The following TMPRSS9 variants were observed in gnomAD, a reference collection of about 807,000 sequenced individuals.
TMPRSS9 encodes the protein transmembrane serine protease 9.
TMPRSS9 carries 113 observed loss-of-function variants against 111.4 expected under a neutral mutation model. The ratio of observed to expected loss-of-function variants is 1.01; its 90% CI spans 0.87 to 1.19. TMPRSS9 has a LOEUF of 1.19. TMPRSS9 is among the 50% of genes most tolerant of loss of function. The pLI is 0.00. For missense variants in TMPRSS9, 1,803 were observed against 1,513.1 expected, an observed-to-expected ratio of 1.19 and a Z score of -3.18; for synonymous variants, 805 against 659.1, an observed-to-expected ratio of 1.22 and a Z score of -3.39.
rs957463296 is a variant in TMPRSS9 at position 2,396,520 on chromosome 19, G to T, written c.143-19G>T. 10 of 1,584,740 alleles carry T rather than the reference G, an allele frequency of 6.3e-6. No homozygotes were observed. The highest frequency in any genetic ancestry group is 5.3e-5 in the Admixed American group (3 of 56,786). On this transcript the variant is annotated intron_variant, in intron 1 of 17. Coordinates refer to ENST00000648592, the Ensembl canonical transcript of TMPRSS9. ...CCCCCAAAGGTGGGCTCTCTCACGG[G>T]CCCTGGTCTCGTCCCCAGCCTTCCT...
chr19:2,418,489 A>C (rs939907168), intron 13 of TMPRSS9, among the ~76,000 whole-genome samples: 41 of 790 alleles, frequency 0.052, 1 homozygote, highest in African/African-American at 0.16. Flanking sequence ...TTCCCTCCCT[A>C]CCTTTCCTTC....
chr19:2,419,160 ACCTTTCCTT>A (rs1354290539), intron 13 of TMPRSS9, among the ~76,000 whole-genome samples: 49 of 64,888 alleles, frequency 7.6e-4, no homozygotes, highest in African/African-American at 2.9e-3. Context: ...TTCCCTCCCT[ACCTTTCCTT>A]CCTTTCCTTT....
At chr19:2,363,454 C>G (rs549995156) in intron 1 of TMPRSS9, among the ~76,000 whole-genome samples, 1 of 148,732 alleles carries the variant, frequency 6.7e-6, no homozygotes, top group African/African-American at 2.5e-5. Context: ...AAGGCAAAGG[C>G]GTCCCTTCTC....
chr19:2,411,588 C>G (rs944844377), intron 9 of TMPRSS9, among the ~76,000 whole-genome samples: 3 of 149,644 alleles, frequency 2.0e-5, no homozygotes, highest in African/African-American at 7.4e-5. Context: ...AATTAAGACA[C>G]TGTCTCGCTC....
exon 1 of TMPRSS9, chr19:2,389,881 C>A (rs201122568): frequency 1.2e-6 from 2 of 1,613,762 alleles, no homozygotes; most frequent in Non-Finnish European, 1.7e-6. Context: ...CCAGCATTGG[C>A]GTGGTGGCCA....
chr19:2,381,331 C>A (rs1970383046), intron 1 of TMPRSS9, among the ~76,000 whole-genome samples: 1 of 151,738 alleles, frequency 6.6e-6, no homozygotes, highest in Non-Finnish European at 1.5e-5. Flanking sequence ...GCAGAGGCAG[C>A]TGGGGTTGAA....
chr19:2,408,557 G>A (rs763755693), exon 8 of TMPRSS9: 11 of 1,613,452 alleles, frequency 6.8e-6, no homozygotes, highest in Middle Eastern at 1.6e-4. Context: ...TGTGCCTCCC[G>A]GCTGCCACAC....
In TMPRSS9 at chr19:2,416,490, C is replaced by A. The variant is rs141606751; in HGVS notation, c.1746-48C>A. The stretch of plus-strand genomic sequence containing the variant: ...TCAGCCCTGTCCCTCCCCAAGAAGG[C>A]GGGCATGTGCTGGAGGGCAGGCATG... On this transcript the variant is annotated intron_variant, in intron 11 of 17. Coordinates refer to ENST00000648592, the Ensembl canonical transcript of TMPRSS9. The A allele has an allele frequency of 8.2e-4, 1,279 of 1,565,502 alleles. 10 individuals are homozygous for A. The African/African-American group carries it at 0.015, about 19-fold the overall frequency.
chr19:2,394,306 G>A (rs922473184), intron 1 of TMPRSS9, among the ~76,000 whole-genome samples: 2 of 152,084 alleles, frequency 1.3e-5, no homozygotes, highest in African/African-American at 4.8e-5. Context: ...AGGATCACCT[G>A]AGCCCATGAG....
At chr19:2,404,800 C>T (rs189264853) in intron 6 of TMPRSS9, among the ~76,000 whole-genome samples, 5 of 150,574 alleles carry the variant, frequency 3.3e-5, no homozygotes, top group East Asian at 2.0e-4. Context: ...GGTGTGGTGG[C>T]GGGTGCCTGT....
intron 1 of TMPRSS9, among the ~76,000 whole-genome samples, chr19:2,379,495 T>C (rs1970364269): frequency 6.6e-6 from 1 of 151,802 alleles, no homozygotes; most frequent in Admixed American, 6.6e-5. Flanking sequence ...AGCCTGAGCT[T>C]CTGAGTGTGG....
chr19:2,400,555 TAAAAATA>T (rs1257987166), intron 4 of TMPRSS9, among the ~76,000 whole-genome samples: 1 of 150,150 alleles, frequency 6.7e-6, no homozygotes, highest in Non-Finnish European at 1.5e-5. Context: ...AAAAAATTAA[TAAAAATA>T]AAAAATAAAA....
rs1599311266 is a variant in TMPRSS9, at chr19:2,417,882, A to G, written c.2018-120A>G. ...TTTGTGAGATTCCTGCAACTCTGTGAGCCCTGGTTTCTTCGTCTGTGGGGT... is the reference window on the plus strand; with the variant it reads ...TTTGTGAGATTCCTGCAACTCTGTGGGCCCTGGTTTCTTCGTCTGTGGGGT... On this transcript the variant is annotated intron_variant, in intron 12 of 17. Transcript: ENST00000648592. 5 of 1,353,018 alleles carry G rather than the reference A, an allele frequency of 3.7e-6. No homozygotes were observed. The East Asian group carries it at 1.2e-4, about 31-fold the overall frequency. The allele number at this position is 1,353,018 out of a possible 1,614,324, so 83.8% of individuals were successfully genotyped here. A position where few individuals can be genotyped will look rare whatever the true frequency, so the allele number is the denominator to read the frequency against.
exon 12 of TMPRSS9, chr19:2,416,553 G>C (rs151138449): frequency 4.3e-6 from 7 of 1,609,408 alleles, no homozygotes; most frequent in African/African-American, 2.7e-5. Context: ...AGGTGGAGCA[G>C]GTTCGGGCCC....
chr19:2,364,751 T>C (rs554272315), intron 1 of TMPRSS9, among the ~76,000 whole-genome samples: 8 of 151,796 alleles, frequency 5.3e-5, no homozygotes, highest in Non-Finnish European at 7.4e-5. Flanking sequence ...TTTGGGAGGC[T>C]GAGGCGGGCC....
exon 1 of TMPRSS9, chr19:2,389,822 A>T (rs1970547641): frequency 6.2e-7 from 1 of 1,613,942 alleles, no homozygotes. Context: ...CCTCGTGCCC[A>T]GGACAACCAA....
chr19:2,391,237 C>CAAAAAAAAAAAAAAA lies in TMPRSS9; in HGVS notation c.142+1318_142+1332dup, dbSNP rs10650164. On this transcript the variant is annotated intron_variant, in intron 1 of 17. Transcript: ENST00000648592. Reference sequence around the variant, plus strand: ...CCTGGGCAACAGAGCAATTCCATCTCAAAAAAAAAAAAAAAAAAAAAAGTT... The same window carrying CAAAAAAAAAAAAAAA: ...CCTGGGCAACAGAGCAATTCCATCTCAAAAAAAAAAAAAAAAAAAAAAAAAAAAAAAAAAAAAGTT... 6.6e-4 allele frequency among the ~76,000 whole-genome samples: 35 copies of CAAAAAAAAAAAAAAA among 53,016 alleles called. 5 individuals are homozygous for CAAAAAAAAAAAAAAA. Among genetic ancestry groups the CAAAAAAAAAAAAAAA allele is most frequent in the African/African-American group, 3.7e-3 (33 of 8,974 alleles). The allele number at this position is 53,016 out of a possible 152,430, so 34.8% of individuals were successfully genotyped here. A position where few individuals can be genotyped will look rare whatever the true frequency, so the allele number is the denominator to read the frequency against.
upstream of TMPRSS9, among the ~76,000 whole-genome samples, chr19:2,389,374 C>CTTTT (rs1165662530): frequency 6.6e-5 from 7 of 105,402 alleles, no homozygotes; most frequent in Non-Finnish European, 9.7e-5. Flanking sequence ...CGCATCTGGT[C>CTTTT]TTTTTTTTTT....
exon 15 of TMPRSS9, chr19:2,424,185 G>A (rs767947869): frequency 1.4e-6 from 2 of 1,462,038 alleles, no homozygotes; most frequent in East Asian, 2.7e-5. Context: ...TGGCTGCGGC[G>A]CCGGGAACAC....
Sources: gnomAD v4.1 joint callset for allele counts (sites outside exome capture counted in the v4.1 genomes callset) on GRCh38, gnomAD v4.1.1 for gene constraint, MANE v1.5 for transcripts, NCBI Gene and HGNC (gene_info 2026-07-23, HGNC 2026-07-21) for gene names.